Variants in TMEM117 observed in about 807,000 individuals in gnomAD.
The protein encoded by TMEM117 is transmembrane protein 117.
A neutral mutation model predicts 52.4 loss-of-function variants in TMEM117; 27 were observed. The observed-to-expected ratio is 0.51, with a 90% CI of 0.38 to 0.71. The LOEUF is 0.71. TMEM117 is among the 30% of genes least tolerant of loss of function. The probability of loss-of-function intolerance (pLI) is 0.00; values close to 1 mark genes in which losing one functional copy is unlikely to be tolerated. For missense variants in TMEM117, 556 were observed against 630.5 expected (o/e 0.88, Z 1.26); for synonymous variants, 215 against 206.3 (o/e 1.04, Z -0.36).
chr12:44,338,914 G>A (rs939068777), intron 6 of TMEM117, among the ~76,000 whole-genome samples: 1 of 152,038 alleles, frequency 6.6e-6, no homozygotes, highest in African/African-American at 2.4e-5. Context: ...AGCAAGCTCT[G>A]GGCATAGCTT....
intron 5 of TMEM117, among the ~76,000 whole-genome samples, chr12:44,260,878 G>A (rs1950312691): frequency 6.6e-6 from 1 of 152,120 alleles, no homozygotes; most frequent in South Asian, 2.1e-4. Context: ...GACTCCACAA[G>A]TAAAAAGAGA....
chr12:43,866,410 CA>C (rs1194302841), intron 2 of TMEM117, among the ~76,000 whole-genome samples: 3,241 of 107,086 alleles, frequency 0.03, 130 homozygotes, highest in African/African-American at 0.098. Context: ...TCATCGCTAC[CA>C]AAAAAAAAAA....
At chr12:44,390,633 A>G (rs1372366453), downstream of TMEM117, among the ~76,000 whole-genome samples, 1 of 152,094 alleles carries the variant, frequency 6.6e-6, no homozygotes, top group Non-Finnish European at 1.5e-5. Context: ...TAGAAAAACT[A>G]TTAAAAAAAT....
chr12:43,812,623 C>G, the TMEM117 span, among the ~76,000 whole-genome samples: 14 of 152,202 alleles, frequency 9.2e-5, no homozygotes, highest in Non-Finnish European at 1.8e-4. Flanking sequence ...TTTCTGCTCC[C>G]GGGTCCACAC....
chr12:44,390,518 G>T (rs1302026985), downstream of TMEM117, among the ~76,000 whole-genome samples: 3 of 151,834 alleles, frequency 2.0e-5, no homozygotes. Context: ...TTTTACATGG[G>T]TATTAATGGA....
intron 5 of TMEM117, among the ~76,000 whole-genome samples, chr12:44,258,874 A>G (rs1271763637): frequency 6.6e-6 from 1 of 152,202 alleles, no homozygotes; most frequent in Non-Finnish European, 1.5e-5. Context: ...TTAGCTACAT[A>G]TAGCTACTGA....
intron 5 of TMEM117, among the ~76,000 whole-genome samples, chr12:44,236,680 G>T (rs1950000829): frequency 6.6e-6 from 1 of 152,046 alleles, no homozygotes; most frequent in Non-Finnish European, 1.5e-5. Context: ...CCTATAATAG[G>T]CGGTTTATAT....
chr12:44,009,216 C>T, intron 3 of TMEM117: 1 of 271,966 alleles, frequency 3.7e-6, no homozygotes. Context: ...GTTTTCTGGA[C>T]AATTTCATTC....
At chr12:43,890,846 T>G (rs1182835742) in intron 2 of TMEM117, among the ~76,000 whole-genome samples, 3 of 152,154 alleles carry the variant, frequency 2.0e-5, no homozygotes, top group African/African-American at 7.2e-5. Context: ...GATATTTTCT[T>G]ATGAATACTT....
At chr12:44,125,716 C>T (rs917305932) in intron 3 of TMEM117, among the ~76,000 whole-genome samples, 2 of 152,104 alleles carry the variant, frequency 1.3e-5, no homozygotes, top group African/African-American at 4.8e-5. Context: ...CTGTCTCCTT[C>T]AGTTCAGCTC....
intron 6 of TMEM117, among the ~76,000 whole-genome samples, chr12:44,362,617 T>G (rs1951735690): frequency 6.6e-6 from 1 of 151,456 alleles, no homozygotes; most frequent in African/African-American, 2.4e-5. Flanking sequence ...AGTTGTTAAC[T>G]AGGATAGCAA....
At chr12:43,978,882 G>A (rs1341764976) in intron 3 of TMEM117, among the ~76,000 whole-genome samples, 1 of 151,596 alleles carries the variant, frequency 6.6e-6, no homozygotes, top group Non-Finnish European at 1.5e-5. Flanking sequence ...TAGCCTTGGG[G>A]CCATCTGTCC....
At chr12:44,342,116 T>C (rs79058711) in intron 6 of TMEM117, among the ~76,000 whole-genome samples, 4,455 of 152,234 alleles carry the variant, frequency 0.029, 78 homozygotes, top group Middle Eastern at 0.051. Flanking sequence ...AAACTACAAG[T>C]CAGCTATCTA....
intron 4 of TMEM117, among the ~76,000 whole-genome samples, chr12:44,206,173 A>AT (rs1949563514): frequency 6.6e-6 from 1 of 152,324 alleles, no homozygotes; most frequent in Non-Finnish European, 1.5e-5. Context: ...TAGATTAGCT[A>AT]AAAGCATTCC....
intron 5 of TMEM117, among the ~76,000 whole-genome samples, chr12:44,224,682 G>T (rs187653256): frequency 6.6e-6 from 1 of 152,244 alleles, no homozygotes; most frequent in East Asian, 1.9e-4. Context: ...CGCCATGTAA[G>T]TGTGGTCCCC....
At position 43,988,742 on chromosome 12, in the gene TMEM117, C is replaced by A. The variant is rs546470597; in HGVS notation, c.410+44400C>A. Among the ~76,000 whole-genome samples the A allele has an allele frequency of 2.7e-3, 407 of 152,118 alleles. 4 individuals carry two copies. Among genetic ancestry groups the A allele is most frequent in the African/African-American group, 9.2e-3 (382 of 41,510 alleles). On this transcript the variant is annotated intron_variant, in intron 3 of 7. Coordinates refer to ENST00000266534, the MANE Select transcript of TMEM117 (RefSeq NM_032256.3). ...ATCCATGGAACAAAATTAATGTTTA[C>A]CCCATAAATTTATACAAATATTAAA...
At chr12:43,815,165 T>C in the TMEM117 span, among the ~76,000 whole-genome samples, 2 of 152,160 alleles carry the variant, frequency 1.3e-5, no homozygotes. Context: ...ATCTTGCAGG[T>C]GATGTTGGGT....
chr12:44,249,288 G>A (rs914076911), intron 5 of TMEM117, among the ~76,000 whole-genome samples: 1 of 152,036 alleles, frequency 6.6e-6, no homozygotes, highest in African/African-American at 2.4e-5. Context: ...TCTAGGCTGA[G>A]GTCTGCAGGA....
intron 3 of TMEM117, among the ~76,000 whole-genome samples, chr12:43,975,422 G>A (rs572477403): frequency 1.6e-4 from 25 of 152,188 alleles, no homozygotes; most frequent in Non-Finnish European, 3.2e-4. Context: ...TCTTTGCCAG[G>A]TGCTGTGTTA....
Sources: allele counts gnomAD v4.1 joint callset (sites outside exome capture counted in the v4.1 genomes callset), GRCh38; gene constraint gnomAD v4.1.1; transcripts MANE v1.5; gene names NCBI Gene and HGNC (gene_info 2026-07-23, HGNC 2026-07-21).